Variants in PLEKHA1 observed in about 807,000 individuals in gnomAD.
PLEKHA1 encodes pleckstrin homology domain containing A1.
A neutral mutation model predicts 52.0 loss-of-function variants in PLEKHA1; 34 were observed. That is an observed-to-expected ratio of 0.65 (90% CI 0.50 to 0.87). The LOEUF (loss-of-function observed/expected upper bound fraction) is 0.87. PLEKHA1 is among the 40% of genes least tolerant of loss of function. The pLI is 0.00. For missense variants in PLEKHA1, 497 were observed against 504.2 expected (o/e 0.99, Z 0.14); for synonymous variants, 163 against 170.7 (o/e 0.95, Z 0.35).
At chr10:122,407,577 C>A (rs938063581) in intron 5 of PLEKHA1, among the ~76,000 whole-genome samples, 3 of 152,178 alleles carry the variant, frequency 2.0e-5, no homozygotes, top group African/African-American at 4.8e-5. Context: ...CTAAAGCCAA[C>A]AACAACCTTT....
Position 122,374,876 on chromosome 10 carries a change from C to T in PLEKHA1, c.-21+70C>T, listed in dbSNP as rs544338680. 1.7e-3 allele frequency: 262 copies of T among 154,694 alleles called. 1 individual carries two copies. The highest frequency in any genetic ancestry group is 6.1e-3 in the African/African-American group (253 of 41,566). 9.6% of individuals were successfully genotyped at this position (154,694 alleles called of 1,614,324 possible). A position where few individuals can be genotyped will look rare whatever the true frequency, so the allele number is the denominator to read the frequency against. On this transcript the variant is annotated intron_variant, in intron 1 of 11. Transcript: ENST00000368990. ...GTGGACGGGGCCAGGCGCGAGGTGG[C>T]GGCGGCTGCGGGGCTGCCGGGCTGC...
chr10:122,393,259 A>G lies in PLEKHA1; in HGVS notation c.59A>G (p.Glu20Gly). The change falls in exon 2 of 12, where the codon GAA becomes GGA. Residue 20 changes from glutamate to glycine, a missense_variant. Glu to Gly is a moderately conservative substitution (Grantham distance 98). Transcript: ENST00000368990. The surrounding 1 kb of genome is among the most constrained non-coding windows in gnomAD (Gnocchi z 4.5). ...GGTTTTCTAGACATTGAAGAAAATG[A>G]AAACAGTGGGAAATTTCTTCGAAGG... ...ICGFLDIEEN[E>G]NSGKFLRRYF... is the part of the protein sequence containing the mutation. 2 of 1,613,058 alleles carry G rather than the reference A, an allele frequency of 1.2e-6. No individual in the cohort carries two copies. Among genetic ancestry groups the G allele is most frequent in the Non-Finnish European group, 1.7e-6 (2 of 1,179,510 alleles).
chr10:122,425,916 G>T (rs951162164), intron 10 of PLEKHA1, among the ~76,000 whole-genome samples: 1 of 151,846 alleles, frequency 6.6e-6, no homozygotes, highest in Non-Finnish European at 1.5e-5. Flanking sequence ...AATAGGTGGG[G>T]TCATACTAAA....
At chr10:122,415,490 C>G (rs888048326) in intron 6 of PLEKHA1, among the ~76,000 whole-genome samples, 2 of 152,196 alleles carry the variant, frequency 1.3e-5, no homozygotes, top group African/African-American at 4.8e-5. Flanking sequence ...ATGTCCATTT[C>G]TTGTTTTTTG....
At chr10:122,420,886 G>A (rs1223281118) in intron 8 of PLEKHA1, 1 of 152,234 alleles carries the variant, frequency 6.6e-6, no homozygotes, top group East Asian at 1.9e-4. Flanking sequence ...GCATCCACAT[G>A]GGGAGGGGTG....
At chr10:122,429,525 TGTGTGTTTTATTTG>T in intron 11 of PLEKHA1, 85 bp from the exon 12 acceptor site, 1 of 904,746 alleles carries the variant, frequency 1.1e-6, no homozygotes, top group South Asian at 1.6e-5. Context: ...TGTGTGTGTG[TGTGTGTTTTATTTG>T]TTTTTCAGAG....
intron 2 of PLEKHA1, among the ~76,000 whole-genome samples, chr10:122,397,623 TC>T (rs949083154): frequency 1.3e-5 from 2 of 152,104 alleles, no homozygotes; most frequent in African/African-American, 4.8e-5. Flanking sequence ...CAAAATCTGA[TC>T]TTGTTCATGG....
At chr10:122,390,413 C>G (rs969453236) in intron 1 of PLEKHA1, among the ~76,000 whole-genome samples, 1 of 152,200 alleles carries the variant, frequency 6.6e-6, no homozygotes, top group Admixed American at 6.5e-5. Context: ...CAAGAAACCT[C>G]ATTTTTGGTC....
intron 1 of PLEKHA1, among the ~76,000 whole-genome samples, chr10:122,377,145 T>C (rs1294375375): frequency 6.6e-6 from 1 of 152,222 alleles, no homozygotes; most frequent in African/African-American, 2.4e-5. Flanking sequence ...CATTGACATA[T>C]TGCTTGATGT....
In PLEKHA1 at chr10:122,415,978, A is replaced by G; in HGVS notation, c.588A>G (p.Gly196=). 6.2e-7 allele frequency: 1 copy of G among 1,613,122 alleles called. No individual in the cohort carries two copies. Among genetic ancestry groups the G allele is most frequent in the Non-Finnish European group, 8.5e-7 (1 of 1,179,588 alleles). The change falls in exon 7 of 12, where the codon GGA becomes GGG. Residue 196 remains glycine (G), a synonymous_variant. Coordinates refer to ENST00000368990, the MANE Select transcript of PLEKHA1 (RefSeq NM_001001974.4). Reference sequence around the variant, plus strand: ...AAGATAGTGCGGTTATCAAAGCTGGATATTGTGTAAAACAAGGAGCAGTGG... The same window carrying G: ...AAGATAGTGCGGTTATCAAAGCTGGGTATTGTGTAAAACAAGGAGCAGTGG... ...PPQDSAVIKA[G]YCVKQGAVMK... is the part of the protein sequence containing the mutation.
At chr10:122,385,140 A>G (rs1302260707) in intron 1 of PLEKHA1, among the ~76,000 whole-genome samples, 3 of 151,742 alleles carry the variant, frequency 2.0e-5, no homozygotes, top group Non-Finnish European at 4.4e-5. Flanking sequence ...CCTTCCCTTC[A>G]CCCTCAGCTC....
chr10:122,429,769 C>T lies in PLEKHA1; in HGVS notation c.1046C>T (p.Ala349Val), dbSNP rs2097400120. The change falls in exon 12 of 12, where the codon GCC becomes GTC. Residue 349 changes from alanine (A) to valine (V), a missense_variant. Physicochemically the swap from Ala to Val is moderately conservative, Grantham distance 64. Coordinates refer to ENST00000368990, the MANE Select transcript of PLEKHA1 (RefSeq NM_001001974.4). ...AAGCGAGGATTTTACGAGTCTCTTGCCAAGGTCAAGCCAGGGAACTTCAAG... is the reference window on the plus strand; with the variant it reads ...AAGCGAGGATTTTACGAGTCTCTTGTCAAGGTCAAGCCAGGGAACTTCAAG... ...MEKRGFYESL[A>V]KVKPGNFKVQ... is the part of the protein sequence containing the mutation. 6.2e-7 allele frequency: 1 copy of T among 1,614,152 alleles called. No homozygotes were observed. Among genetic ancestry groups the T allele is most frequent in the Non-Finnish European group, 8.5e-7 (1 of 1,180,028 alleles).
chr10:122,399,530 TATTAAG>T (rs963697427), intron 3 of PLEKHA1, among the ~76,000 whole-genome samples: 3 of 152,140 alleles, frequency 2.0e-5, no homozygotes, highest in Admixed American at 1.3e-4. Context: ...TAATCTTAAT[TATTAAG>T]ATTAAGATTA....
chr10:122,403,986 C>T (rs1027761301), intron 4 of PLEKHA1, among the ~76,000 whole-genome samples: 13 of 152,142 alleles, frequency 8.5e-5, no homozygotes, highest in Admixed American at 3.9e-4. Flanking sequence ...GCCACTGTGC[C>T]CTGCTTTACA....
chr10:122,429,537 TTG>T, intron 11 of PLEKHA1, 85 bp from the exon 12 acceptor site: 1 of 1,161,734 alleles, frequency 8.6e-7, no homozygotes, highest in Non-Finnish European at 1.2e-6. Context: ...TGTGTTTTAT[TTG>T]TTTTTCAGAG....
the PLEKHA1 span, chr10:122,438,771 A>T: frequency 6.6e-6 from 1 of 152,394 alleles, no homozygotes; most frequent in African/African-American, 2.4e-5. Context: ...TAGTGCAGGC[A>T]TGTCCAATCT....
chr10:122,416,316 G>A (rs956002873), intron 7 of PLEKHA1, among the ~76,000 whole-genome samples: 3 of 152,126 alleles, frequency 2.0e-5, no homozygotes, highest in Non-Finnish European at 4.4e-5. Context: ...AGTGGGTCAG[G>A]GAAAGAGAGC....
intron 4 of PLEKHA1, among the ~76,000 whole-genome samples, chr10:122,401,278 AAAAG>A (rs1345236370): frequency 6.6e-6 from 1 of 152,206 alleles, no homozygotes; most frequent in Non-Finnish European, 1.5e-5. Flanking sequence ...AAGGAGAAGA[AAAAG>A]AGAGCATCTG....
chr10:122,401,120 T>C (rs1168358720), intron 4 of PLEKHA1, among the ~76,000 whole-genome samples: 1 of 152,154 alleles, frequency 6.6e-6, no homozygotes. Context: ...GAGGACTACA[T>C]GCAGAGGCTT....
Sources: gnomAD v4.1 joint callset for allele counts (sites outside exome capture counted in the v4.1 genomes callset) on GRCh38, gnomAD v4.1.1 for gene constraint, Gnocchi (gnomAD v3.1) non-coding constraint, MANE v1.5 for transcripts, NCBI Gene and HGNC (gene_info 2026-07-23, HGNC 2026-07-21) for gene names.